Variants in MYO1H observed in about 807,000 individuals in gnomAD.
MYO1H encodes the protein myosin IH, also known as unconventional myosin-Ih.
In MYO1H, 118 loss-of-function variants were observed where a neutral mutation model predicts 149.3. That is an observed-to-expected ratio of 0.79 (90% CI 0.68 to 0.92). MYO1H has a LOEUF of 0.92. Among genes scored for constraint, MYO1H ranks in the 40% least tolerant of loss-of-function variants. The probability of loss-of-function intolerance (pLI) is 0.00; values close to 1 mark genes in which losing one functional copy is unlikely to be tolerated. For missense variants in MYO1H, 1,212 were observed against 1,280.7 expected (o/e 0.95, Z 0.82); for synonymous variants, 447 against 465.2 (o/e 0.96, Z 0.50).
chr12:109,351,706 G>A (rs1226571487), intron 1 of MYO1H, among the ~76,000 whole-genome samples: 2 of 152,200 alleles, frequency 1.3e-5, no homozygotes, highest in Non-Finnish European at 2.9e-5. Context: ...TGGCTAGGAT[G>A]ATTGCAATCA....
At chr12:109,388,153 A>G (rs1869459372) in intron 1 of MYO1H, among the ~76,000 whole-genome samples, 1 of 152,166 alleles carries the variant, frequency 6.6e-6, no homozygotes, top group East Asian at 1.9e-4. Flanking sequence ...AGTTTACACA[A>G]TTAACACTTA....
chr12:109,429,637 T>G (rs1871526316), intron 19 of MYO1H, among the ~76,000 whole-genome samples: 1 of 152,120 alleles, frequency 6.6e-6, no homozygotes, highest in Non-Finnish European at 1.5e-5. Flanking sequence ...ATGGGGGTCC[T>G]GGAACCAATT....
intron 1 of MYO1H, among the ~76,000 whole-genome samples, chr12:109,367,876 C>A (rs926373276): frequency 6.6e-6 from 1 of 152,074 alleles, no homozygotes; most frequent in African/African-American, 2.4e-5. Flanking sequence ...TTTTTAAAGA[C>A]AAGGTCTCGC....
At chr12:109,420,731 C>A (rs543116312) in intron 15 of MYO1H, among the ~76,000 whole-genome samples, 1 of 152,194 alleles carries the variant, frequency 6.6e-6, no homozygotes, top group African/African-American at 2.4e-5. Context: ...GTTGTCACAA[C>A]TGGGGACAGT....
the MYO1H span, among the ~76,000 whole-genome samples, chr12:109,340,134 C>T: frequency 3.9e-5 from 6 of 152,064 alleles, no homozygotes; most frequent in South Asian, 6.2e-4. Context: ...TTAGGCAATA[C>T]GGTGGCATAC....
At chr12:109,386,185 A>G (rs892623845) in intron 1 of MYO1H, among the ~76,000 whole-genome samples, 2 of 152,104 alleles carry the variant, frequency 1.3e-5, no homozygotes, top group African/African-American at 4.8e-5. Flanking sequence ...TCTTGCGTGT[A>G]CCCGTTATTT....
the MYO1H span, among the ~76,000 whole-genome samples, chr12:109,327,123 T>A: frequency 2.5e-5 from 3 of 120,668 alleles, no homozygotes; most frequent in African/African-American, 1.0e-4. Flanking sequence ...TTTCTTTTTC[T>A]TTTTCTTTTT....
chr12:109,435,164 TG>T, intron 21 of MYO1H, 51 bp downstream of exon 21: 1 of 1,284,588 alleles, frequency 7.8e-7, no homozygotes, highest in Non-Finnish European at 1.1e-6. Flanking sequence ...AATGAACAAG[TG>T]GAGCTTGGGG....
chr12:109,393,498 CCT>C (rs1273457232), intron 3 of MYO1H, 52 bp downstream of exon 3: 1 of 948,580 alleles, frequency 1.1e-6, no homozygotes, highest in African/African-American at 2.5e-5. Flanking sequence ...TTTTCCCCTT[CCT>C]CTCTCTCCTT....
intron 1 of MYO1H, among the ~76,000 whole-genome samples, chr12:109,379,475 G>A (rs893331276): frequency 3.9e-5 from 6 of 152,194 alleles, no homozygotes; most frequent in African/African-American, 1.4e-4. Context: ...CTATCAGAGA[G>A]AGGCTAGTTA....
At position 109,439,475 on chromosome 12, in the gene MYO1H, C is replaced by T. The variant is rs150355977; in HGVS notation, c.2295-156C>T. On this transcript the variant is annotated intron_variant, in intron 23 of 31. Transcript: ENST00000310903. ...AAACAAAAGGCCGTGTGGGTGAAAT[C>T]GAACATATATGTGGGGCAGATTTGG... 6.8e-4 allele frequency: 213 copies of T among 313,320 alleles called. 1 individual carries two copies. Among genetic ancestry groups the T allele is most frequent in the African/African-American group, 5.9e-3 (191 of 32,404 alleles). 19.4% of individuals were successfully genotyped at this position (313,320 alleles called of 1,614,324 possible).
intron 9 of MYO1H, among the ~76,000 whole-genome samples, chr12:109,407,556 G>A (rs925931706): frequency 2.8e-5 from 4 of 143,352 alleles, no homozygotes; most frequent in African/African-American, 7.7e-5. Flanking sequence ...TTGAGCCCAG[G>A]AGTTCAAGAC....
intron 1 of MYO1H, among the ~76,000 whole-genome samples, chr12:109,379,967 G>A (rs1418590047): frequency 6.6e-6 from 1 of 152,050 alleles, no homozygotes; most frequent in African/African-American, 2.4e-5. Flanking sequence ...TCTTAACCTC[G>A]TGATCCGCCC....
chr12:109,354,835 T>C (rs1868552099), intron 1 of MYO1H, among the ~76,000 whole-genome samples: 2 of 152,188 alleles, frequency 1.3e-5, no homozygotes, highest in Non-Finnish European at 2.9e-5. Context: ...TCTTAGGGAC[T>C]AGCAGTATCT....
intron 10 of MYO1H, among the ~76,000 whole-genome samples, chr12:109,408,936 A>C (rs572541964): frequency 1.3e-5 from 2 of 152,190 alleles, no homozygotes; most frequent in South Asian, 4.1e-4. Flanking sequence ...TTACAGGTGC[A>C]TGCCACCATG....
chr12:109,437,431 T>C (rs1307878972), intron 22 of MYO1H, among the ~76,000 whole-genome samples: 1 of 152,240 alleles, frequency 6.6e-6, no homozygotes, highest in Admixed American at 6.5e-5. Flanking sequence ...TGCATAGATT[T>C]AGTTATTCAT....
chr12:109,322,670 A>C, the MYO1H span, among the ~76,000 whole-genome samples: 1 of 152,008 alleles, frequency 6.6e-6, no homozygotes, highest in East Asian at 1.9e-4. Context: ...AATTACAAAA[A>C]TTAGCTGGGT....
chr12:109,376,079 ATT>A (rs1869081876), intron 1 of MYO1H, among the ~76,000 whole-genome samples: 1 of 152,178 alleles, frequency 6.6e-6, no homozygotes, highest in Non-Finnish European at 1.5e-5. Context: ...TGCCTTTCAC[ATT>A]TAGATTTTTT....
chr12:109,326,493 ATTTTATTTTATTTTATTTTATTT>A, the MYO1H span, among the ~76,000 whole-genome samples: 1 of 89,220 alleles, frequency 1.1e-5, no homozygotes, highest in Admixed American at 1.0e-4. Context: ...TTTATATTTT[ATTTTATTTTATTTTATTTTATTT>A]TATTTTATTT....
Sources: gnomAD v4.1 joint callset for allele counts (sites outside exome capture counted in the v4.1 genomes callset) on GRCh38, gnomAD v4.1.1 for gene constraint, MANE v1.5 for transcripts, NCBI Gene and HGNC (gene_info 2026-07-23, HGNC 2026-07-21) for gene names.